IL1B: variants seen among roughly 807,000 people sequenced by gnomAD.
IL1B encodes the protein interleukin 1 beta, also known as interleukin-1 beta.
IL1B carries 11 observed loss-of-function variants against 26.2 expected under a neutral mutation model. The observed-to-expected ratio is 0.42, with a 90% CI of 0.26 to 0.70. The LOEUF is 0.70. IL1B is among the 30% of genes least tolerant of loss of function. IL1B has a pLI of 0.25. For missense variants in IL1B, 255 were observed against 327.5 expected (o/e 0.78, Z 1.71); for synonymous variants, 118 against 120.8 (o/e 0.98, Z 0.15).
At chr2:112,832,242 G>C (rs952989727) in intron 5 of IL1B, among the ~76,000 whole-genome samples, 2 of 152,166 alleles carry the variant, frequency 1.3e-5, no homozygotes, top group East Asian at 3.8e-4. Flanking sequence ...TGGGTGGGAC[G>C]GATGTTGGGG....
chr2:112,836,106 G>T (rs1682084112), intron 2 of IL1B, 77 bp downstream of exon 2: 2 of 1,396,846 alleles, frequency 1.4e-6, no homozygotes. Flanking sequence ...GAAAAATCTG[G>T]TCTCCAAGCA....
intron 3 of IL1B, among the ~76,000 whole-genome samples, chr2:112,833,925 G>A (rs946167561): frequency 2.6e-5 from 4 of 152,030 alleles, no homozygotes; most frequent in Admixed American, 1.3e-4. Context: ...CTCAGGAGGT[G>A]GAGGATGCAG....
chr2:112,835,230 A>C (rs1030984498), intron 3 of IL1B: 2 of 394,700 alleles, frequency 5.1e-6, no homozygotes, highest in African/African-American at 4.1e-5. Context: ...GTTTAACTCA[A>C]GTGATTGGCA....
chr2:112,833,444 C>T lies in IL1B; in HGVS notation c.231G>A (p.Met77Ile). The change falls in exon 4 of 7, where the codon ATG becomes ATA. Residue 77 changes from methionine to isoleucine, a missense_variant. Transcript: ENST00000263341. ...GGAAGGTCTGTGGGCAGGGAACCAG[C>T]ATCTTCCTCAGCTTGTCCATGGCCA... ...VVVAMDKLRK[M>I]LVPCPQTFQE... 1.2e-6 allele frequency: 2 copies of T among 1,614,216 alleles called. No individual in the cohort carries two copies. Among genetic ancestry groups the T allele is most frequent in the Non-Finnish European group, 1.7e-6 (2 of 1,180,048 alleles).
intron 1 of IL1B, chr2:112,836,471 C>A (rs1682093094): frequency 2.1e-6 from 1 of 479,354 alleles, no homozygotes; most frequent in Non-Finnish European, 3.9e-6. Flanking sequence ...TGACACTAAC[C>A]TTTAGGGTGT....
chr2:112,833,254 C>T (rs1025426876), intron 4 of IL1B, 120 bp downstream of exon 4: 7 of 891,856 alleles, frequency 7.8e-6, no homozygotes, highest in African/African-American at 5.0e-5. Context: ...TTTGTTTTGT[C>T]TCCCCGCTGG....
chr2:112,833,421 A>G lies in IL1B; in HGVS notation c.254T>C (p.Phe85Ser). Residue 85 changes from phenylalanine (F) to serine (S), a missense_variant, in exon 4 of 7, where the codon TTC (phenylalanine) becomes TCC (serine). Coordinates refer to ENST00000263341, the MANE Select transcript of IL1B (RefSeq NM_000576.3). Reference protein sequence around the residue: ...RKMLVPCPQTFQENDLSTFFP... With the variant: ...RKMLVPCPQTSQENDLSTFFP... ...GAAGGTGCTCAGGTCATTCTCCTGG[A>G]AGGTCTGTGGGCAGGGAACCAGCAT... 1 of 1,614,154 alleles carries G rather than the reference A, an allele frequency of 6.2e-7. No individual in the cohort carries two copies. The highest frequency in any genetic ancestry group is 8.5e-7 in the Non-Finnish European group (1 of 1,180,022).
At chr2:112,833,295 G>A in intron 4 of IL1B, 79 bp downstream of exon 4, 1 of 1,376,668 alleles carries the variant, frequency 7.3e-7, no homozygotes. Context: ...TTTGGCTCTG[G>A]GGGAATTGAG....
At chr2:112,832,261 G>A (rs1214708587) in intron 5 of IL1B, among the ~76,000 whole-genome samples, 3 of 152,112 alleles carry the variant, frequency 2.0e-5, no homozygotes, top group Non-Finnish European at 4.4e-5. Flanking sequence ...GGCAAGGGGG[G>A]AAGACTGGGG....
At chr2:112,832,606 G>T in intron 5 of IL1B, 56 bp downstream of exon 5, 1 of 1,539,980 alleles carries the variant, frequency 6.5e-7, no homozygotes, top group South Asian at 1.1e-5. Flanking sequence ...TTAAAACATG[G>T]AGAATTAGCA....
chr2:112,831,180 A>C (rs1241200878), intron 6 of IL1B, 112 bp downstream of exon 6: 17 of 792,022 alleles, frequency 2.1e-5, no homozygotes, highest in Non-Finnish European at 3.3e-5. Flanking sequence ...AAAATTGTCA[A>C]ATAGACCTGT....
intron 2 of IL1B, 116 bp downstream of exon 2, chr2:112,836,067 T>C: frequency 3.4e-6 from 3 of 893,222 alleles, no homozygotes; most frequent in Non-Finnish European, 5.6e-6. Context: ...CTTGGCACCC[T>C]GTTTGCCACT....
At chr2:112,832,560 G>A in intron 5 of IL1B, 102 bp downstream of exon 5, 1 of 1,252,348 alleles carries the variant, frequency 8.0e-7, no homozygotes. Context: ...TTTCACTTGT[G>A]TTGATCATTT....
chr2:112,834,133 CT>C (rs1682044197), intron 3 of IL1B, among the ~76,000 whole-genome samples: 1 of 152,214 alleles, frequency 6.6e-6, no homozygotes, highest in East Asian at 1.9e-4. Flanking sequence ...AGAATGTGGG[CT>C]TTCTGACACC....
Position 112,832,802 on chromosome 2 carries a change from T to C in IL1B, c.326A>G (p.Asp109Gly), listed in dbSNP as rs1425387598. The C allele has an allele frequency of 1.9e-6, 3 of 1,614,094 alleles. No individual in the cohort carries two copies. The African/African-American group carries it at 4.0e-5, about 22-fold the overall frequency. ...EEEPIFFDTW[D>G]NEAYVHDAPV... ...TGCATCGTGCACATAAGCCTCGTTA[T>C]CCCATGTGTCGAAGAAGATAGGTTC... The change falls in exon 5 of 7, where the codon GAT (aspartate) becomes GGT (glycine). Residue 109 changes from aspartate (D) to glycine (G), a missense_variant. Asp to Gly is a moderately conservative substitution (Grantham distance 94, BLOSUM62 -1). Coordinates refer to ENST00000263341, the MANE Select transcript of IL1B (RefSeq NM_000576.3).
chr2:112,833,605 T>G, intron 3 of IL1B, 30 bp from the exon 4 acceptor site: 1 of 1,598,962 alleles, frequency 6.3e-7, no homozygotes, highest in Non-Finnish European at 8.6e-7. Flanking sequence ...GGGAGCCTGG[T>G]GAGGTGGTCC....
intron 3 of IL1B, among the ~76,000 whole-genome samples, chr2:112,833,829 C>T (rs982128264): frequency 3.8e-4 from 57 of 151,966 alleles, no homozygotes; most frequent in African/African-American, 1.4e-3. Context: ...CCCTTCTCTA[C>T]TAAAAATACA....
chr2:112,836,250 T>C lies in IL1B; in HGVS notation c.-15-6A>G. ...GCCATGGCTGCTTCAGACACCTGTGTAAAAAGGAGAAAATGAGTGACTTCC... is the reference window on the plus strand; with the variant it reads ...GCCATGGCTGCTTCAGACACCTGTGCAAAAAGGAGAAAATGAGTGACTTCC... On this transcript the variant is annotated splice_region_variant and splice_polypyrimidine_tract_variant and intron_variant, in intron 1 of 6. Transcript: ENST00000263341. 6.2e-7 allele frequency: 1 copy of C among 1,611,952 alleles called. No homozygotes were observed. The highest frequency in any genetic ancestry group is 8.5e-7 in the Non-Finnish European group (1 of 1,178,124).
intron 3 of IL1B, chr2:112,835,125 T>C (rs937828684): frequency 1.1e-4 from 26 of 243,174 alleles, no homozygotes; most frequent in African/African-American, 5.8e-4. Flanking sequence ...CATCTATGTC[T>C]TGTTGTTATA....
Sources: gnomAD v4.1 joint callset for allele counts (sites outside exome capture counted in the v4.1 genomes callset) on GRCh38, gnomAD v4.1.1 for gene constraint, MANE v1.5 for transcripts, NCBI Gene and HGNC (gene_info 2026-07-23, HGNC 2026-07-21) for gene names.